The following SVIL variants were observed in gnomAD, a reference collection of about 807,000 sequenced individuals.
SVIL encodes supervillin, also known as archvillin.
Under a neutral mutation model 240.4 loss-of-function variants are expected in SVIL, and 101 were observed. The observed-to-expected ratio is 0.42, with a 90% CI of 0.36 to 0.50. The LOEUF is 0.50. Among genes scored for constraint, SVIL ranks in the 20% least tolerant of loss-of-function variants. The pLI is 0.01. For synonymous variants in SVIL, 999 were observed against 1,100.0 expected (o/e 0.91, Z 1.82); for missense variants, 2,512 against 2,818.7 (o/e 0.89, Z 2.46).
In SVIL at chr10:29,533,469, G is replaced by A. The variant is rs1296866761; in HGVS notation, c.909-11C>T. 1 of 1,605,038 alleles carries A rather than the reference G, an allele frequency of 6.2e-7. No individual in the cohort carries two copies. Among genetic ancestry groups the A allele is most frequent in the East Asian group, 2.2e-5 (1 of 44,772 alleles). On this transcript the variant is annotated splice_polypyrimidine_tract_variant and intron_variant, in intron 7 of 37. Transcript: ENST00000355867. ...TCTCTAACTTTAACTCTTTAAGAAA[G>A]AAAAAGGATTTAAGTTGCAAAGTGC...
intron 1 of SVIL, among the ~76,000 whole-genome samples, chr10:29,610,877 G>A (rs2132873323): frequency 6.6e-6 from 1 of 152,232 alleles, no homozygotes; most frequent in South Asian, 2.1e-4. Context: ...CATCACTTGT[G>A]ATTCTTTAGG....
chr10:29,630,416 C>A (rs1958040182), intron 1 of SVIL, among the ~76,000 whole-genome samples: 1 of 152,168 alleles, frequency 6.6e-6, no homozygotes. Context: ...ATGCCTCTTT[C>A]AAAACCTCCT....
In SVIL at chr10:29,554,951, A is replaced by C. The variant is rs1953765074; in HGVS notation, c.9-17T>G. ...CTTTCTTTTCTGTGAAATACACCAC[A>C]AGAGGCAGAGTGAGCAACAGCGATC... is the stretch of plus-strand genomic sequence containing the variant. On this transcript the variant is annotated splice_polypyrimidine_tract_variant and intron_variant, in intron 4 of 37. Coordinates refer to ENST00000355867, the MANE Select transcript of SVIL (RefSeq NM_021738.3). The C allele has an allele frequency of 6.2e-7, 1 of 1,610,806 alleles. No homozygotes were observed. Among genetic ancestry groups the C allele is most frequent in the Non-Finnish European group, 8.5e-7 (1 of 1,178,428 alleles).
chr10:29,704,549 C>T (rs1476498942), intron 1 of SVIL, among the ~76,000 whole-genome samples: 1 of 152,060 alleles, frequency 6.6e-6, no homozygotes. Context: ...TTTTTTAATC[C>T]TCCAAAGCAT....
rs1414560325 is a variant in SVIL at position 29,496,513 on chromosome 10, A to G, written c.3665-1332T>C. ...GCTGGTTTCCAAAGCAACCGGAGAA[A>G]TCCATCCGTGTCCTGGCCGGTGCCG... is the stretch of plus-strand genomic sequence containing the variant. On this transcript the variant is annotated intron_variant, in intron 18 of 37. Transcript: ENST00000355867. 3.5e-5 allele frequency: 15 copies of G among 431,372 alleles called. No individual in the cohort carries two copies. In the East Asian group the frequency reaches 1.1e-3, roughly 32 times the overall value. 26.7% of individuals were successfully genotyped at this position (431,372 alleles called of 1,614,324 possible).
intron 3 of SVIL, among the ~76,000 whole-genome samples, chr10:29,558,614 A>T (rs1430745671): frequency 6.6e-6 from 1 of 151,844 alleles, no homozygotes; most frequent in East Asian, 1.9e-4. Context: ...ATTATATTAC[A>T]TATCTGTTTT....
Position 29,527,029 on chromosome 10 carries a change from C to T in SVIL, c.2274G>A (p.Gly758=). 6.2e-7 allele frequency: 1 copy of T among 1,613,780 alleles called. No homozygotes were observed. The highest frequency in any genetic ancestry group is 8.5e-7 in the Non-Finnish European group (1 of 1,179,918). Residue 758 remains glycine, a synonymous_variant, in exon 13 of 38, where the codon GGG becomes GGA. Transcript: ENST00000355867. ...GTCTCGCCATTACAGGGTGGGTGCC[C>T]CCAGAACACGAAGCGGGGATAGGTT... is the stretch of plus-strand genomic sequence containing the variant. ...ATEPIPASCS[G]GTHPVMARLP... is the part of the protein sequence containing the mutation.
rs143685280 is a variant in SVIL, at chr10:29,530,913, C to T, written c.2045-245G>A. Among the ~76,000 whole-genome samples the T allele has an allele frequency of 1.2e-3, 188 of 152,302 alleles. 1 individual carries two copies. Among genetic ancestry groups the T allele is most frequent in the African/African-American group, 4.5e-3 (185 of 41,570 alleles). On this transcript the variant is annotated intron_variant, in intron 10 of 37. Transcript: ENST00000355867. ...CTCTGTCCAGGGATTTCTACTCTAACGTTTGTCTGATCGAGATTTCATGAA... is the reference window on the plus strand; with the variant it reads ...CTCTGTCCAGGGATTTCTACTCTAATGTTTGTCTGATCGAGATTTCATGAA...
chr10:29,723,853 C>A (rs1421682982), intron 1 of SVIL, among the ~76,000 whole-genome samples: 1 of 152,268 alleles, frequency 6.6e-6, no homozygotes. Flanking sequence ...TGGGTAACTA[C>A]AAGCAATGCG....
chr10:29,629,041 A>T (rs1957984273), intron 1 of SVIL, among the ~76,000 whole-genome samples: 1 of 151,656 alleles, frequency 6.6e-6, no homozygotes, highest in African/African-American at 2.4e-5. Context: ...GGTGTCCAAG[A>T]GGAGAAGACA....
rs200057326 is a variant in SVIL, at chr10:29,554,966, C to T, written c.9-32G>A. 116 of 1,609,388 alleles carry T rather than the reference C, an allele frequency of 7.2e-5. No individual in the cohort carries two copies. In the Admixed American group the frequency reaches 1.3e-3, roughly 18 times the overall value. On this transcript the variant is annotated intron_variant, in intron 4 of 37. Coordinates refer to ENST00000355867, the MANE Select transcript of SVIL (RefSeq NM_021738.3). ...AATACACCACAAGAGGCAGAGTGAG[C>T]AACAGCGATCGAATCTAAAGGAAAA...
intron 1 of SVIL, among the ~76,000 whole-genome samples, chr10:29,622,648 C>T (rs1205449963): frequency 6.6e-6 from 1 of 152,142 alleles, no homozygotes; most frequent in Non-Finnish European, 1.5e-5. Context: ...CGTTTAAACA[C>T]GTCGAAAGCA....
chr10:29,469,191 A>G (rs1945277446), intron 32 of SVIL: 1 of 152,144 alleles, frequency 6.6e-6, no homozygotes, highest in South Asian at 2.1e-4. Context: ...ATGGGCCTCA[A>G]ATGCCTTGGG....
chr10:29,706,251 G>A (rs1962884321), intron 1 of SVIL, among the ~76,000 whole-genome samples: 1 of 152,196 alleles, frequency 6.6e-6, no homozygotes, highest in African/African-American at 2.4e-5. Context: ...TTCCACAGTG[G>A]TTGAAGTAAT....
chr10:29,637,579 C>T (rs1054703968), upstream of SVIL, among the ~76,000 whole-genome samples: 2 of 152,108 alleles, frequency 1.3e-5, no homozygotes, highest in African/African-American at 4.8e-5. Context: ...ACAGCATTGG[C>T]AAAAAGAGAG....
chr10:29,537,207 C>G (rs917224910), intron 6 of SVIL, among the ~76,000 whole-genome samples: 3 of 152,080 alleles, frequency 2.0e-5, no homozygotes, highest in Non-Finnish European at 2.9e-5. Flanking sequence ...AATAATGTGA[C>G]CAACACAAGA....
At chr10:29,665,031 G>A (rs1959204950) in intron 2 of SVIL, among the ~76,000 whole-genome samples, 2 of 151,936 alleles carry the variant, frequency 1.3e-5, no homozygotes, top group Admixed American at 1.3e-4. Flanking sequence ...CTTGAGGCCA[G>A]GAGTTCAAGA....
intron 16 of SVIL, among the ~76,000 whole-genome samples, chr10:29,520,182 G>A (rs1407714347): frequency 6.6e-6 from 1 of 152,196 alleles, no homozygotes; most frequent in East Asian, 1.9e-4. Context: ...GCCTTTGAAA[G>A]AAGGGGGCAT....
Position 29,569,307 on chromosome 10 carries a change from T to G in SVIL, c.-195A>C. 2 of 985,576 alleles carry G rather than the reference T, an allele frequency of 2.0e-6. No individual in the cohort carries two copies. Among genetic ancestry groups the G allele is most frequent in the Non-Finnish European group, 1.2e-6 (1 of 829,666 alleles). The allele number at this position is 985,576 out of a possible 1,614,324, so 61.1% of individuals were successfully genotyped here. ...CCAAGGAAGCTTAAGTTTTTCTTGT[T>G]GAAATCTAAGGGAAAAGAAATAATG... On this transcript the variant is annotated 5_prime_UTR_variant, in exon 2 of 38. Transcript: ENST00000355867.
Sources: allele counts gnomAD v4.1 joint callset (sites outside exome capture counted in the v4.1 genomes callset), GRCh38; gene constraint gnomAD v4.1.1; transcripts MANE v1.5; gene names NCBI Gene and HGNC (gene_info 2026-07-23, HGNC 2026-07-21).